PLEKHM3: variants seen among roughly 807,000 people sequenced by gnomAD.
PLEKHM3 encodes the protein pleckstrin homology domain containing M3.
PLEKHM3 carries 45 observed loss-of-function variants against 81.8 expected under a neutral mutation model. The observed-to-expected ratio is 0.55, with a 90% CI of 0.43 to 0.71. The LOEUF (loss-of-function observed/expected upper bound fraction) is 0.71, where lower values mean the gene tolerates loss of function less well. PLEKHM3 is among the 30% of genes least tolerant of loss of function. PLEKHM3 has a pLI of 0.00. For synonymous variants in PLEKHM3, 352 were observed against 356.4 expected, an observed-to-expected ratio of 0.99 and a Z score of 0.14; for missense variants, 788 against 924.3, an observed-to-expected ratio of 0.85 and a Z score of 1.91.
chr2:207,954,143 C>T (rs1181945134), intron 3 of PLEKHM3, among the ~76,000 whole-genome samples: 1 of 152,022 alleles, frequency 6.6e-6, no homozygotes, highest in Non-Finnish European at 1.5e-5. Flanking sequence ...GCTATGATCG[C>T]ACCATGGCAC....
At chr2:207,968,688 T>C (rs1310537891) in intron 3 of PLEKHM3, among the ~76,000 whole-genome samples, 4 of 152,150 alleles carry the variant, frequency 2.6e-5, no homozygotes, top group Non-Finnish European at 4.4e-5. Flanking sequence ...AACTAAAACT[T>C]CACCTAAGGA....
intron 2 of PLEKHM3, among the ~76,000 whole-genome samples, chr2:207,981,453 C>T (rs1691520227): frequency 1.3e-5 from 2 of 152,174 alleles, no homozygotes; most frequent in African/African-American, 4.8e-5. Context: ...TCAAACAATT[C>T]TCCTGCCTCA....
intron 6 of PLEKHM3, among the ~76,000 whole-genome samples, chr2:207,887,326 C>T (rs952585718): frequency 3.9e-5 from 6 of 152,204 alleles, no homozygotes; most frequent in African/African-American, 1.4e-4. Flanking sequence ...GCCTCATTTA[C>T]TTGACCAACA....
chr2:208,024,180 A>AATAAAATAAC (rs1574501404), intron 1 of PLEKHM3, among the ~76,000 whole-genome samples: 1 of 151,772 alleles, frequency 6.6e-6, no homozygotes, highest in Admixed American at 6.6e-5. Context: ...AATAAAATAA[A>AATAAAATAAC]ATAACAATAA....
intron 2 of PLEKHM3, among the ~76,000 whole-genome samples, chr2:207,989,443 C>T (rs1267741914): frequency 6.6e-6 from 1 of 152,182 alleles, no homozygotes; most frequent in Admixed American, 6.5e-5. Flanking sequence ...AAAGAGCATT[C>T]CAGATGGTGG....
intron 1 of PLEKHM3, among the ~76,000 whole-genome samples, chr2:208,014,542 G>A (rs773569948): frequency 9.9e-5 from 15 of 152,242 alleles, no homozygotes; most frequent in Non-Finnish European, 1.5e-4. Context: ...TACTCGGGAG[G>A]CTGAGGCAGG....
chr2:208,018,084 T>C (rs1431984432), intron 1 of PLEKHM3, among the ~76,000 whole-genome samples: 1 of 152,050 alleles, frequency 6.6e-6, no homozygotes, highest in African/African-American at 2.4e-5. Context: ...AAGAAACATA[T>C]TACTCTCCGG....
chr2:207,938,794 C>G (rs550840313), intron 4 of PLEKHM3, among the ~76,000 whole-genome samples: 32 of 152,272 alleles, frequency 2.1e-4, no homozygotes, highest in African/African-American at 7.5e-4. Context: ...AATTGCCTAG[C>G]TATCCTCTCA....
chr2:207,842,374 A>C (rs1225377986), intron 7 of PLEKHM3, among the ~76,000 whole-genome samples: 1 of 152,240 alleles, frequency 6.6e-6, no homozygotes, highest in Non-Finnish European at 1.5e-5. Flanking sequence ...TTTCATTTTT[A>C]TATAAGGATA....
intron 3 of PLEKHM3, among the ~76,000 whole-genome samples, chr2:207,963,356 G>A (rs923568360): frequency 1.3e-5 from 2 of 152,210 alleles, no homozygotes; most frequent in African/African-American, 4.8e-5. Flanking sequence ...TTGAAACTGA[G>A]GAGGTGGGCA....
intron 3 of PLEKHM3, among the ~76,000 whole-genome samples, chr2:207,975,325 C>T (rs1691268179): frequency 6.6e-6 from 1 of 152,040 alleles, no homozygotes; most frequent in African/African-American, 2.4e-5. Flanking sequence ...CAATGGCCAC[C>T]TTTATTTGGC....
chr2:207,839,283 T>C (rs527917439), intron 7 of PLEKHM3, among the ~76,000 whole-genome samples: 4 of 151,994 alleles, frequency 2.6e-5, no homozygotes, highest in Non-Finnish European at 5.9e-5. Flanking sequence ...TGTACATGAA[T>C]CTAATGTACA....
At chr2:207,922,404 T>C (rs559204033) in intron 5 of PLEKHM3, among the ~76,000 whole-genome samples, 11 of 152,368 alleles carry the variant, frequency 7.2e-5, no homozygotes, top group Non-Finnish European at 1.5e-4. Context: ...AACAAGCTTT[T>C]ATTGCACCAC....
At position 207,828,399 on chromosome 2, in the gene PLEKHM3, A is replaced by C. The variant is rs1384901125; in HGVS notation, c.2206T>G (p.Ser736Ala). The change falls in exon 8 of 8, where the codon TCT (serine) becomes GCT (alanine). Residue 736 changes from serine to alanine, a missense_variant. Physicochemically the swap from Ser to Ala is moderately conservative, Grantham distance 99. Transcript: ENST00000427836. Reference sequence around the variant, plus strand: ...TCCATGTTCAGTCTCTGCCAGAAAGACTTCTGCTTCTTCTGCAGCTCTCGG... The same window carrying C: ...TCCATGTTCAGTCTCTGCCAGAAAGCCTTCTGCTTCTTCTGCAGCTCTCGG... The part of the protein sequence containing the change: ...VRRELQKKQK[S>A]FWQRLNMDES... 7.4e-6 allele frequency: 12 copies of C among 1,613,912 alleles called. No homozygotes were observed. The highest frequency in any genetic ancestry group is 1.0e-5 in the Non-Finnish European group (12 of 1,180,012).
intron 3 of PLEKHM3, among the ~76,000 whole-genome samples, chr2:207,957,114 C>T (rs572585427): frequency 6.6e-6 from 1 of 152,184 alleles, no homozygotes; most frequent in Admixed American, 6.5e-5. Flanking sequence ...GTGAGAAATC[C>T]ATCAATTAGA....
chr2:207,998,493 A>G (rs532435282), intron 2 of PLEKHM3, among the ~76,000 whole-genome samples: 61 of 152,228 alleles, frequency 4.0e-4, no homozygotes, highest in Non-Finnish European at 7.1e-4. Flanking sequence ...AACCTGGGCA[A>G]CTAAGTGAGA....
chr2:207,973,243 C>T (rs1161513315), intron 3 of PLEKHM3, among the ~76,000 whole-genome samples: 2 of 152,204 alleles, frequency 1.3e-5, no homozygotes, highest in Non-Finnish European at 2.9e-5. Context: ...GAAGAAGCAG[C>T]TGGTTTAGAT....
rs952491819 is a variant in PLEKHM3 at position 207,827,074 on chromosome 2, A to G, written c.*1245T>C. The G allele has an allele frequency of 1.3e-5, 2 of 152,042 alleles. No individual in the cohort carries two copies. The highest frequency in any genetic ancestry group is 6.6e-5 in the Admixed American group (1 of 15,254). 9.4% of individuals were successfully genotyped at this position (152,042 alleles called of 1,614,324 possible). A position where few individuals can be genotyped will look rare whatever the true frequency, so the allele number is the denominator to read the frequency against. ...ACTCTTTGTTTTACTTCAAGGTGGC[A>G]ATTATATATGTGTGTGTATATATAT... On this transcript the variant is annotated 3_prime_UTR_variant, in exon 8 of 8. Coordinates refer to ENST00000427836, the MANE Select transcript of PLEKHM3 (RefSeq NM_001080475.3).
chr2:208,022,148 C>T (rs1238741654), intron 1 of PLEKHM3, among the ~76,000 whole-genome samples: 1 of 152,168 alleles, frequency 6.6e-6, no homozygotes, highest in Non-Finnish European at 1.5e-5. Flanking sequence ...AAGTGTGCAT[C>T]CCTCCTAGCA....
Sources: allele counts gnomAD v4.1 joint callset (sites outside exome capture counted in the v4.1 genomes callset), GRCh38; gene constraint gnomAD v4.1.1; transcripts MANE v1.5; gene names NCBI Gene and HGNC (gene_info 2026-07-23, HGNC 2026-07-21).